Variants in SNED1 observed in about 807,000 individuals in gnomAD.
SNED1 encodes the protein sushi, nidogen and EGF like domains 1, also known as sushi, nidogen and EGF-like domain-containing protein 1.
SNED1 carries 81 observed loss-of-function variants against 166.7 expected under a neutral mutation model. That is an observed-to-expected ratio of 0.49 (90% CI 0.41 to 0.58). The LOEUF (loss-of-function observed/expected upper bound fraction) is 0.58. Among genes scored for constraint, SNED1 ranks in the 20% least tolerant of loss-of-function variants. The probability of loss-of-function intolerance (pLI) is 0.00; values close to 1 mark genes in which losing one functional copy is unlikely to be tolerated. For synonymous variants in SNED1, 762 were observed against 822.0 expected, an observed-to-expected ratio of 0.93 and a Z score of 1.25; for missense variants, 1,604 against 2,000.2, an observed-to-expected ratio of 0.80 and a Z score of 3.78.
chr2:241,047,169 AG>A (rs2061675008), intron 8 of SNED1, among the ~76,000 whole-genome samples: 33 of 68,506 alleles, frequency 4.8e-4, no homozygotes, highest in East Asian at 3.2e-3. Context: ...AAAAAAAAAA[AG>A]TAAATTAGGT....
At chr2:241,089,429 T>A (rs1009873667) in intron 31 of SNED1, 33 of 1,549,318 alleles carry the variant, frequency 2.1e-5, no homozygotes, top group Non-Finnish European at 2.7e-5. Flanking sequence ...CAAAACAGCT[T>A]TTCAGATATA....
At chr2:241,072,247 G>A (rs1313310619) in intron 26 of SNED1, 8 of 458,138 alleles carry the variant, frequency 1.7e-5, no homozygotes, top group Admixed American at 7.1e-5. Context: ...AGGCCATGAG[G>A]GTCTAACCCG....
At position 241,013,889 on chromosome 2, in the gene SNED1, A is replaced by G. The variant is rs1467655659; in HGVS notation, c.213+14839A>G. 2.0e-5 allele frequency among the ~76,000 whole-genome samples: 3 copies of G among 152,170 alleles called. No homozygotes were observed. The highest frequency in any genetic ancestry group is 1.9e-4 in the East Asian group (1 of 5,204). Reference sequence around the variant, plus strand: ...TTGCTTATGGGAGTGCAGCTATTCTATGAGATACTGGTTTCATTTCATTGG... The same window carrying G: ...TTGCTTATGGGAGTGCAGCTATTCTGTGAGATACTGGTTTCATTTCATTGG... On this transcript the variant is annotated intron_variant, in intron 1 of 31. Transcript: ENST00000310397. This position sits in a 1 kb window ranked among gnomAD's most constrained non-coding sequence, Gnocchi z 4.6.
chr2:241,051,705 C>A lies in SNED1; in HGVS notation c.1736-39C>A. The A allele has an allele frequency of 7.2e-7, 1 of 1,391,494 alleles. No individual in the cohort carries two copies. 86.2% of individuals were successfully genotyped at this position (1,391,494 alleles called of 1,614,324 possible). On this transcript the variant is annotated intron_variant, in intron 12 of 31. Coordinates refer to ENST00000310397, the MANE Select transcript of SNED1 (RefSeq NM_001080437.3). The surrounding 1 kb of genome is among the most constrained non-coding windows in gnomAD (Gnocchi z 4.7). ...TATAGTGGCTCTGTGGGGCCAGCAGCCTGGCCCCGTTCATCTGCCTCTCTG... is the reference window on the plus strand; with the variant it reads ...TATAGTGGCTCTGTGGGGCCAGCAGACTGGCCCCGTTCATCTGCCTCTCTG...
Position 241,081,789 on chromosome 2 carries a change from G to C in SNED1, c.4029G>C (p.Glu1343Asp). The C allele has an allele frequency of 6.3e-7, 1 of 1,582,196 alleles. No homozygotes were observed. The change falls in exon 28 of 32, where the codon GAG becomes GAC. Residue 1343 changes from glutamate to aspartate, a missense_variant. Glu to Asp is a conservative substitution (Grantham distance 45). Coordinates refer to ENST00000310397, the MANE Select transcript of SNED1 (RefSeq NM_001080437.3). ...CGPGFKGRRC[E>D]LACIKVSRPC... The stretch of plus-strand genomic sequence containing the variant: ...CAGGGTTCAAAGGCAGACGCTGCGA[G>C]CTCGGTAAGTCGGGGCTTGGCCTCA...
rs989831712 is a variant in SNED1, at chr2:241,089,460, A to C, written c.*1+1058A>C. 3 of 1,537,632 alleles carry C rather than the reference A, an allele frequency of 2.0e-6. No individual in the cohort carries two copies. The African/African-American group carries it at 4.1e-5, about 21-fold the overall frequency. On this transcript the variant is annotated intron_variant, in intron 31 of 31. Coordinates refer to ENST00000310397, the MANE Select transcript of SNED1 (RefSeq NM_001080437.3). Reference sequence around the variant, plus strand: ...ATATAGGCTCACACACACCAAAGGAAGAGTGTCCACACCCCCTTGGGGGAA... The same window carrying C: ...ATATAGGCTCACACACACCAAAGGACGAGTGTCCACACCCCCTTGGGGGAA...
Position 241,030,455 on chromosome 2 carries a change from C to T in SNED1, c.385C>T (p.Arg129Ter), listed in dbSNP as rs1002384372. The T allele has an allele frequency of 1.9e-6, 3 of 1,613,776 alleles. No homozygotes were observed. Among genetic ancestry groups the T allele is most frequent in the Non-Finnish European group, 1.7e-6 (2 of 1,179,850 alleles). ...GGCCACCGACCCAGCCATGCTGCGCCGAGCCACGGAGGACGTCAGGCACTA... is the reference window on the plus strand; with the variant it reads ...GGCCACCGACCCAGCCATGCTGCGCTGAGCCACGGAGGACGTCAGGCACTA... ...REATDPAMLR[R>*]ATEDVRHYFP... Residue 129 changes from arginine to a stop codon, truncating the protein, a stop_gained, in exon 2 of 32, where the codon CGA becomes TGA. Transcript: ENST00000310397. LOFTEE classifies it high-confidence loss of function.
intron 29 of SNED1, among the ~76,000 whole-genome samples, chr2:241,083,564 G>T (rs2063433558): frequency 6.6e-6 from 1 of 152,198 alleles, no homozygotes; most frequent in South Asian, 2.1e-4. Flanking sequence ...ACTAATCTGT[G>T]TTGGGATTTG....
chr2:241,021,470 GACA>G (rs1252725061), intron 1 of SNED1, among the ~76,000 whole-genome samples: 1 of 152,134 alleles, frequency 6.6e-6, no homozygotes, highest in Non-Finnish European at 1.5e-5. Flanking sequence ...TGCAGCTCCA[GACA>G]GTCACAATCT....
In SNED1 at chr2:241,081,880, C is replaced by T. The variant is rs574660121; in HGVS notation, c.4033+87C>T. ...TGCTGGGCCACAGCTGGGTTTGCCACGGGAGCCTCCAAACGATGAGGTGCC... is the reference window on the plus strand; with the variant it reads ...TGCTGGGCCACAGCTGGGTTTGCCATGGGAGCCTCCAAACGATGAGGTGCC... On this transcript the variant is annotated intron_variant, in intron 28 of 31. Coordinates refer to ENST00000310397, the MANE Select transcript of SNED1 (RefSeq NM_001080437.3). 11 of 1,006,084 alleles carry T rather than the reference C, an allele frequency of 1.1e-5. No homozygotes were observed. In the Admixed American group the frequency reaches 1.2e-4, roughly 11 times the overall value. 62.3% of individuals were successfully genotyped at this position (1,006,084 alleles called of 1,614,324 possible).
rs6719155 is a variant in SNED1, at chr2:241,094,734, C to T, written c.*3098C>T. ...CCATCCTGTGCACTGCAGGATGTTT[C>T]ACAGCACCCCTGGCCTCTACCCACT... On this transcript the variant is annotated 3_prime_UTR_variant, in exon 32 of 32. Transcript: ENST00000310397. This position sits in a 1 kb window ranked among gnomAD's most constrained non-coding sequence, Gnocchi z 4.3. 55,134 of 200,944 alleles carry T rather than the reference C, an allele frequency of 0.27. 11,548 individuals are homozygous for T. The highest frequency in any genetic ancestry group is 0.62 in the African/African-American group (25,777 of 41,828). 12.4% of individuals were successfully genotyped at this position (200,944 alleles called of 1,614,324 possible). A position where few individuals can be genotyped will look rare whatever the true frequency, so the allele number is the denominator to read the frequency against.
rs917235123 is a variant in SNED1, at chr2:241,051,062, C to T, written c.1736-682C>T. Among the ~76,000 whole-genome samples the T allele has an allele frequency of 3.3e-5, 5 of 152,146 alleles. No individual in the cohort carries two copies. Among genetic ancestry groups the T allele is most frequent in the Admixed American group, 2.0e-4 (3 of 15,278 alleles). On this transcript the variant is annotated intron_variant, in intron 12 of 31. Transcript: ENST00000310397. This position sits in a 1 kb window ranked among gnomAD's most constrained non-coding sequence, Gnocchi z 4.7. ...GGGCAGCCAGAGCTTGGACCTGCAG[C>T]GTGGGATGGCTGGCAGGAGAGGAGC... is the stretch of plus-strand genomic sequence containing the variant.
At chr2:241,086,156 C>T (rs539894249) in intron 29 of SNED1, among the ~76,000 whole-genome samples, 6 of 152,266 alleles carry the variant, frequency 3.9e-5, no homozygotes, top group African/African-American at 9.6e-5. Context: ...AGTGAGCCAC[C>T]GCACCTGGCC....
At chr2:241,012,418 A>C (rs900231694) in intron 1 of SNED1, among the ~76,000 whole-genome samples, 6 of 152,200 alleles carry the variant, frequency 3.9e-5, no homozygotes, top group Non-Finnish European at 8.8e-5. Flanking sequence ...TCGCCACCCC[A>C]GGGCAGCCCC....
rs1316487096 is a variant in SNED1 at position 241,069,833 on chromosome 2, G to A, written c.3308-87G>A. 3 of 1,465,738 alleles carry A rather than the reference G, an allele frequency of 2.0e-6. No individual in the cohort carries two copies. The highest frequency in any genetic ancestry group is 3.8e-5 in the Admixed American group (2 of 52,344). 90.8% of individuals were successfully genotyped at this position (1,465,738 alleles called of 1,614,324 possible). A position where few individuals can be genotyped will look rare whatever the true frequency, so the allele number is the denominator to read the frequency against. ...GAATCTGGCTTCCAGCAAGGCTGCG[G>A]CAGCCCATGTCCGGTTCTCAAACCG... On this transcript the variant is annotated intron_variant, in intron 23 of 31. Coordinates refer to ENST00000310397, the MANE Select transcript of SNED1 (RefSeq NM_001080437.3). This position sits in a 1 kb window ranked among gnomAD's most constrained non-coding sequence, Gnocchi z 4.9.
chr2:240,998,655 G>A lies in SNED1; in HGVS notation c.-183G>A, dbSNP rs1013874290. 2.6e-5 allele frequency among the ~76,000 whole-genome samples: 4 copies of A among 151,012 alleles called. No homozygotes were observed. Among genetic ancestry groups the A allele is most frequent in the African/African-American group, 4.8e-5 (2 of 41,256 alleles). On this transcript the variant is annotated 5_prime_UTR_variant, in exon 1 of 32. Coordinates refer to ENST00000310397, the MANE Select transcript of SNED1 (RefSeq NM_001080437.3). The stretch of plus-strand genomic sequence containing the variant: ...GGTCCCGCCCGGCGCTTTCCTCTGC[G>A]GAGCTGCGGCGAGAGCGCGGCCCGG...
chr2:241,067,521 G>A (rs545980659), intron 21 of SNED1, among the ~76,000 whole-genome samples: 25 of 152,314 alleles, frequency 1.6e-4, no homozygotes, highest in Admixed American at 3.9e-4. Flanking sequence ...CTGGTAAGAC[G>A]GGCTGGCCCA....
At chr2:241,050,404 G>A (rs2125096296) in intron 12 of SNED1, among the ~76,000 whole-genome samples, 1 of 152,226 alleles carries the variant, frequency 6.6e-6, no homozygotes, top group African/African-American at 2.4e-5. Context: ...TGAAGCAACA[G>A]TCAGGACTCC....
chr2:241,040,109 T>C lies in SNED1; in HGVS notation c.1080T>C (p.His360=). Residue 360 remains histidine, a synonymous_variant, in exon 7 of 32, where the codon CAT becomes CAC. Transcript: ENST00000310397. ...QSPCDTKECQ[H]GGQCQVENGS... is the part of the protein sequence containing the mutation. ...CCTGTGACACCAAAGAGTGTCAACA[T>C]GGTGGCCAGTGCCAGGTGGAGAATG... The C allele has an allele frequency of 6.3e-7, 1 of 1,598,826 alleles. No homozygotes were observed. Among genetic ancestry groups the C allele is most frequent in the Non-Finnish European group, 8.5e-7 (1 of 1,172,714 alleles).
Sources: allele counts gnomAD v4.1 joint callset (sites outside exome capture counted in the v4.1 genomes callset), GRCh38; gene constraint gnomAD v4.1.1; non-coding constraint Gnocchi (gnomAD v3.1); transcripts MANE v1.5; gene names NCBI Gene and HGNC (gene_info 2026-07-23, HGNC 2026-07-21).